The following KIF15 variants were observed in gnomAD, a reference collection of about 807,000 sequenced individuals.
KIF15 encodes kinesin-like protein KIF15.
A neutral mutation model predicts 190.6 loss-of-function variants in KIF15; 140 were observed. That is an observed-to-expected ratio of 0.73 (90% CI 0.64 to 0.84). KIF15 has a LOEUF of 0.84. Ranked by LOEUF, KIF15 falls within the 40% of genes least tolerant of loss-of-function variation. KIF15 has a pLI of 0.00. For synonymous variants in KIF15, 528 were observed against 551.3 expected, an observed-to-expected ratio of 0.96 and a Z score of 0.59; for missense variants, 1,372 against 1,584.4, an observed-to-expected ratio of 0.87 and a Z score of 2.28.
chr3:44,789,055 T>A (rs910603119), intron 7 of KIF15, among the ~76,000 whole-genome samples: 1 of 152,206 alleles, frequency 6.6e-6, no homozygotes, highest in Admixed American at 6.5e-5. Context: ...TTCTGTTTCC[T>A]TTTTACACAG....
chr3:44,833,278 G>A (rs1457871559), intron 26 of KIF15, among the ~76,000 whole-genome samples: 2 of 152,058 alleles, frequency 1.3e-5, no homozygotes, highest in Admixed American at 1.3e-4. Flanking sequence ...CTTAGACCAG[G>A]AGTGTGAGGG....
intron 5 of KIF15, among the ~76,000 whole-genome samples, chr3:44,784,242 G>C (rs1706298556): frequency 6.6e-6 from 1 of 152,126 alleles, no homozygotes; most frequent in Non-Finnish European, 1.5e-5. Flanking sequence ...CGCCATCTCG[G>C]CTCACTGCAA....
intron 6 of KIF15, among the ~76,000 whole-genome samples, chr3:44,868,249 A>G (rs1254741244): frequency 2.0e-5 from 3 of 152,142 alleles, no homozygotes; most frequent in Non-Finnish European, 2.9e-5. Flanking sequence ...CACCTAGCAT[A>G]GTGTTTTCAA....
At chr3:44,836,166 A>G (rs1292752867) in intron 26 of KIF15, among the ~76,000 whole-genome samples, 1 of 152,082 alleles carries the variant, frequency 6.6e-6, no homozygotes, top group African/African-American at 2.4e-5. Flanking sequence ...GCCCAACATG[A>G]CGAAACCCCA....
chr3:44,778,910 G>A (rs1237431320), intron 4 of KIF15, among the ~76,000 whole-genome samples: 2 of 139,296 alleles, frequency 1.4e-5, no homozygotes, highest in Non-Finnish European at 3.0e-5. Flanking sequence ...AACCCAGGAG[G>A]CAGAGGTTGC....
At chr3:44,865,238 T>A in intron 6 of KIF15, 3 of 1,610,522 alleles carry the variant, frequency 1.9e-6, no homozygotes, top group Non-Finnish European at 2.5e-6. Flanking sequence ...AGCCTTGGGA[T>A]GTCATGTGGG....
intron 3 of KIF15, among the ~76,000 whole-genome samples, chr3:44,777,798 CA>C (rs1575582470): frequency 6.6e-6 from 1 of 152,134 alleles, no homozygotes; most frequent in East Asian, 1.9e-4. Flanking sequence ...CTGTTCAGTG[CA>C]AACTTATGAG....
At chr3:44,814,627 G>C (rs182076584) in intron 19 of KIF15, among the ~76,000 whole-genome samples, 138 of 152,220 alleles carry the variant, frequency 9.1e-4, no homozygotes, top group African/African-American at 3.1e-3. Flanking sequence ...TAGGAGTTTT[G>C]AAGCACATTT....
intron 4 of KIF15, among the ~76,000 whole-genome samples, chr3:44,779,148 A>G (rs569722250): frequency 7.9e-5 from 12 of 152,206 alleles, no homozygotes; most frequent in African/African-American, 2.2e-4. Flanking sequence ...GCTTTGCCCA[A>G]TGGGCCCTCC....
chr3:44,857,572 T>C (rs1699201397), downstream of KIF15, among the ~76,000 whole-genome samples: 1 of 152,180 alleles, frequency 6.6e-6, no homozygotes, highest in African/African-American at 2.4e-5. Flanking sequence ...TCTCTAAAGC[T>C]GTCTTCAAGG....
At chr3:44,821,304 G>A (rs1173231375) in intron 20 of KIF15, among the ~76,000 whole-genome samples, 2 of 149,894 alleles carry the variant, frequency 1.3e-5, no homozygotes, top group African/African-American at 5.0e-5. Flanking sequence ...CTGGCGGTGG[G>A]TGACCCCCAC....
chr3:44,804,448 C>G (rs1037131436), intron 14 of KIF15, among the ~76,000 whole-genome samples: 7 of 152,200 alleles, frequency 4.6e-5, no homozygotes, highest in African/African-American at 1.7e-4. Flanking sequence ...CTATTTGTTT[C>G]CTTTTCTAAA....
chr3:44,861,438 T>TGGCGTCTTTCTGGGTCTGGAGGTCCCC (rs1699243459), intron 6 of KIF15, among the ~76,000 whole-genome samples: 1 of 152,272 alleles, frequency 6.6e-6, no homozygotes, highest in Non-Finnish European at 1.5e-5. Flanking sequence ...TATGGGGCTC[T>TGGCGTCTTTCTGGGTCTGGAGGTCCCC]GGCGTCTTTC....
At chr3:44,808,068 C>A (rs1323756800) in intron 16 of KIF15, among the ~76,000 whole-genome samples, 1 of 151,874 alleles carries the variant, frequency 6.6e-6, no homozygotes, top group East Asian at 1.9e-4. Context: ...CCTCCCAGAG[C>A]ACTAGGATTA....
rs1438522003 is a variant in KIF15 at position 44,786,459 on chromosome 3, A to G, written c.524A>G (p.Tyr175Cys). The change falls in exon 7 of 35, where the codon TAT becomes TGT. Residue 175 changes from tyrosine to cysteine, a missense_variant. By Grantham distance (194) the Tyr-to-Cys change is radical. Coordinates refer to ENST00000326047, the MANE Select transcript of KIF15 (RefSeq NM_020242.3). ...ATTGAAATCTACAACGAGCAGATAT[A>G]TGATCTACTGGACTCTGCATCGGCT... Reference protein sequence around the residue: ...SFIEIYNEQIYDLLDSASAGL... With the variant: ...SFIEIYNEQICDLLDSASAGL... 2 of 1,613,650 alleles carry G rather than the reference A, an allele frequency of 1.2e-6. No individual in the cohort carries two copies. Among genetic ancestry groups the G allele is most frequent in the Non-Finnish European group, 1.7e-6 (2 of 1,179,642 alleles).
At chr3:44,851,706 G>T (rs1699062485) in intron 32 of KIF15, 81 bp from the exon 33 acceptor site, 1 of 1,155,632 alleles carries the variant, frequency 8.7e-7, no homozygotes, top group South Asian at 1.6e-5. Flanking sequence ...TTCTGGCCTT[G>T]CAGTACACAT....
rs769852091 is a variant in KIF15, at chr3:44,797,704, T to C, written c.975+28T>C. The C allele has an allele frequency of 1.7e-5, 28 of 1,610,820 alleles. No homozygotes were observed. In the East Asian group the frequency reaches 6.2e-4, roughly 36 times the overall value. ...AAAGTAGATCCTTGGGTTCCTGGGCTCCTTTTGGTTATGCTAAAGTTGATA... is the reference window on the plus strand; with the variant it reads ...AAAGTAGATCCTTGGGTTCCTGGGCCCCTTTTGGTTATGCTAAAGTTGATA... On this transcript the variant is annotated intron_variant, in intron 9 of 34. Coordinates refer to ENST00000326047, the MANE Select transcript of KIF15 (RefSeq NM_020242.3).
Position 44,794,424 on chromosome 3 carries a change from A to G in KIF15, c.847A>G (p.Lys283Glu). 1 of 1,584,564 alleles carries G rather than the reference A, an allele frequency of 6.3e-7. No homozygotes were observed. The highest frequency in any genetic ancestry group is 8.6e-7 in the Non-Finnish European group (1 of 1,164,030). The change falls in exon 8 of 35, where the codon AAG becomes GAG. Residue 283 changes from lysine (K) to glutamate (E), a missense_variant and splice_region_variant. Transcript: ENST00000326047. ...KDTHAEGMRL[K>E]EAGNINRSLS... ...TACCCATGCAGAAGGGATGAGATTGAAGGTAAGAATGAAATTATGGTCTTC... is the reference window on the plus strand; with the variant it reads ...TACCCATGCAGAAGGGATGAGATTGGAGGTAAGAATGAAATTATGGTCTTC...
intron 3 of KIF15, among the ~76,000 whole-genome samples, chr3:44,777,805 A>C (rs1468783687): frequency 6.6e-6 from 1 of 152,254 alleles, no homozygotes; most frequent in Non-Finnish European, 1.5e-5. Context: ...GTGCAAACTT[A>C]TGAGAAAAAT....
Sources: allele counts gnomAD v4.1 joint callset (sites outside exome capture counted in the v4.1 genomes callset), GRCh38; gene constraint gnomAD v4.1.1; transcripts MANE v1.5; gene names NCBI Gene and HGNC (gene_info 2026-07-23, HGNC 2026-07-21).